GMDS: variants seen among roughly 807,000 people sequenced by gnomAD.
GMDS encodes GDP-mannose 4,6 dehydratase.
A neutral mutation model predicts 49.9 loss-of-function variants in GMDS; 20 were observed. The ratio of observed to expected loss-of-function variants is 0.40; its 90% CI spans 0.28 to 0.58. GMDS has a LOEUF of 0.58. GMDS is among the 20% of genes least tolerant of loss of function. The pLI is 0.42. For synonymous variants in GMDS, 177 were observed against 178.6 expected (o/e 0.99, Z 0.07); for missense variants, 362 against 481.4 (o/e 0.75, Z 2.32).
At chr6:2,162,329 T>C (rs572870068) in intron 1 of GMDS, among the ~76,000 whole-genome samples, 2 of 152,262 alleles carry the variant, frequency 1.3e-5, no homozygotes, top group South Asian at 2.1e-4. Flanking sequence ...AGGAACTGAC[T>C]AGACAAGTTT....
At chr6:1,628,781 C>T (rs1762914436) in intron 9 of GMDS, among the ~76,000 whole-genome samples, 1 of 152,066 alleles carries the variant, frequency 6.6e-6, no homozygotes, top group Admixed American at 6.6e-5. Flanking sequence ...TAAGGAAAGC[C>T]GAGACTGATG....
chr6:1,675,487 G>A (rs922448031), intron 9 of GMDS, among the ~76,000 whole-genome samples: 2 of 152,116 alleles, frequency 1.3e-5, no homozygotes, highest in Admixed American at 6.5e-5. Context: ...CTGAATCATG[G>A]TGGTGGAAGA....
chr6:1,748,355 T>C (rs1227429156), intron 7 of GMDS, among the ~76,000 whole-genome samples: 1 of 152,204 alleles, frequency 6.6e-6, no homozygotes, highest in African/African-American at 2.4e-5. Flanking sequence ...TGCATATATC[T>C]CTTTTGTTTT....
chr6:2,193,269 T>C (rs1318580697), intron 1 of GMDS, among the ~76,000 whole-genome samples: 1 of 152,244 alleles, frequency 6.6e-6, no homozygotes, highest in African/African-American at 2.4e-5. Flanking sequence ...AGTTATTACA[T>C]AGGCACAACG....
intron 7 of GMDS, among the ~76,000 whole-genome samples, chr6:1,834,049 G>T (rs916048202): frequency 6.6e-6 from 1 of 152,100 alleles, no homozygotes; most frequent in Non-Finnish European, 1.5e-5. Flanking sequence ...AAATTAAATA[G>T]AAATTATTAA....
At position 1,783,049 on chromosome 6, in the gene GMDS, G is replaced by C. The variant is rs112309905; in HGVS notation, c.772-40463C>G. 4.6e-5 allele frequency among the ~76,000 whole-genome samples: 7 copies of C among 152,282 alleles called. No homozygotes were observed. The East Asian group carries it at 1.2e-3, about 25-fold the overall frequency. ...ATGCAACTGTGGTCCCAGCTACTCT[G>C]GAAGCTGAGGTGGGAGGATCACTCG... is the stretch of plus-strand genomic sequence containing the variant. On this transcript the variant is annotated intron_variant, in intron 7 of 10. Coordinates refer to ENST00000380815, the MANE Select transcript of GMDS (RefSeq NM_001500.4).
chr6:1,643,988 C>T lies in GMDS; in HGVS notation c.988-19448G>A, dbSNP rs151191469. Among the ~76,000 whole-genome samples, 601 of 152,214 alleles carry T rather than the reference C, an allele frequency of 3.9e-3. 6 individuals are homozygous for T. Among genetic ancestry groups the T allele is most frequent in the African/African-American group, 0.013 (531 of 41,510 alleles). ...CAGCTGACAAGGCTCCCAGGGCGGA[C>T]GGCCCTTACCCAGCCCCCGTTGTCC... On this transcript the variant is annotated intron_variant, in intron 9 of 10. Transcript: ENST00000380815.
At chr6:1,984,311 C>A (rs1765407732) in intron 4 of GMDS, among the ~76,000 whole-genome samples, 1 of 152,120 alleles carries the variant, frequency 6.6e-6, no homozygotes, top group African/African-American at 2.4e-5. Context: ...TCTCTGCAGA[C>A]AACCACCATG....
chr6:1,814,159 G>A (rs1373219039), intron 7 of GMDS, among the ~76,000 whole-genome samples: 1 of 152,184 alleles, frequency 6.6e-6, no homozygotes, highest in African/African-American at 2.4e-5. Flanking sequence ...TAGCATAAGA[G>A]TCTGATTAAA....
rs115813433 is a variant in GMDS, at chr6:1,781,737, T to C, written c.772-39151A>G. Among the ~76,000 whole-genome samples, 181 of 152,310 alleles carry C rather than the reference T, an allele frequency of 1.2e-3. 2 individuals are homozygous for C. The highest frequency in any genetic ancestry group is 3.7e-3 in the African/African-American group (152 of 41,574). ...GGTCATAACTTCCTTTCCTTTCAAC[T>C]TAGTACTGAAAGATGAGTCACCATA... On this transcript the variant is annotated intron_variant, in intron 7 of 10. Coordinates refer to ENST00000380815, the MANE Select transcript of GMDS (RefSeq NM_001500.4).
chr6:2,175,941 CAT>C (rs1200493208), intron 1 of GMDS: 56 of 1,475,764 alleles, frequency 3.8e-5, no homozygotes, highest in Admixed American at 7.9e-5. Context: ...CCATTTTACA[CAT>C]GAGGAACCAG....
chr6:1,949,783 T>C lies in GMDS; in HGVS notation c.643+10084A>G, dbSNP rs565618385. On this transcript the variant is annotated intron_variant, in intron 6 of 10. Transcript: ENST00000380815. ...GGTCCAAGAGTAGCGGCCAACAATC[T>C]AACCATTTATGGACAGACAAATGGT... Among the ~76,000 whole-genome samples the C allele has an allele frequency of 2.6e-5, 4 of 152,298 alleles. No individual in the cohort carries two copies. The East Asian group carries it at 7.7e-4, about 29-fold the overall frequency.
chr6:2,122,912 T>C (rs550370855), intron 2 of GMDS, among the ~76,000 whole-genome samples: 30 of 152,342 alleles, frequency 2.0e-4, no homozygotes, highest in African/African-American at 6.7e-4. Flanking sequence ...ATTCCTCCCA[T>C]TAACTATGAT....
intron 9 of GMDS, among the ~76,000 whole-genome samples, chr6:1,669,955 T>TCCGGA (rs1382437322): frequency 1.6e-5 from 2 of 125,244 alleles, no homozygotes; most frequent in East Asian, 5.3e-4. Context: ...TCACCGCCGG[T>TCCGGA]CCCATGATGG....
At chr6:2,064,981 C>A (rs933036885) in intron 4 of GMDS, among the ~76,000 whole-genome samples, 1 of 152,152 alleles carries the variant, frequency 6.6e-6, no homozygotes, top group Admixed American at 6.5e-5. Context: ...ACAGAAAGGG[C>A]TCAAAAAGAC....
intron 7 of GMDS, among the ~76,000 whole-genome samples, chr6:1,906,150 G>C (rs1404316646): frequency 2.0e-5 from 3 of 152,216 alleles, no homozygotes; most frequent in Non-Finnish European, 4.4e-5. Flanking sequence ...CAGCACATTA[G>C]GGACCTCAGA....
intron 4 of GMDS, among the ~76,000 whole-genome samples, chr6:1,992,933 A>T (rs776189048): frequency 1.3e-5 from 2 of 152,204 alleles, no homozygotes; most frequent in Non-Finnish European, 2.9e-5. Context: ...CATCCCCTGC[A>T]CTTCCCACAA....
At chr6:2,071,502 T>A (rs1046619430) in intron 4 of GMDS, among the ~76,000 whole-genome samples, 2 of 152,080 alleles carry the variant, frequency 1.3e-5, no homozygotes, top group African/African-American at 4.8e-5. Flanking sequence ...ATATCCCACA[T>A]GGCTACCTCT....
chr6:1,865,775 G>A (rs1263721586), intron 7 of GMDS, among the ~76,000 whole-genome samples: 1 of 152,140 alleles, frequency 6.6e-6, no homozygotes, highest in African/African-American at 2.4e-5. Context: ...CCTGTTAACA[G>A]AGCCCTCATT....
Sources: allele counts gnomAD v4.1 joint callset (sites outside exome capture counted in the v4.1 genomes callset), GRCh38; gene constraint gnomAD v4.1.1; transcripts MANE v1.5; gene names NCBI Gene and HGNC (gene_info 2026-07-23, HGNC 2026-07-21).